Variants in MRPL18 observed in about 807,000 individuals in gnomAD.
MRPL18 encodes large ribosomal subunit protein uL18m.
In MRPL18, 16 loss-of-function variants were observed where a neutral mutation model predicts 20.9. The observed-to-expected ratio is 0.76, with a 90% CI of 0.52 to 1.16. The LOEUF is 1.16. Ranked by LOEUF, MRPL18 falls within the 50% of genes most tolerant of loss-of-function variation. The pLI, the probability that MRPL18 is intolerant of heterozygous loss-of-function variation, is 0.00. For missense variants in MRPL18, 233 were observed against 230.6 expected, an observed-to-expected ratio of 1.01 and a Z score of -0.07; for synonymous variants, 91 against 87.1, an observed-to-expected ratio of 1.04 and a Z score of -0.25.
chr6:159,797,030 A>G (rs1046912475), intron 2 of MRPL18, among the ~76,000 whole-genome samples: 1 of 152,122 alleles, frequency 6.6e-6, no homozygotes, highest in African/African-American at 2.4e-5. Flanking sequence ...TTTGAAGTAG[A>G]TCTGTAAATA....
At chr6:159,795,365 A>G (rs930034475) in intron 2 of MRPL18, among the ~76,000 whole-genome samples, 3 of 152,234 alleles carry the variant, frequency 2.0e-5, no homozygotes, top group Admixed American at 1.3e-4. Context: ...AACCTTGGAC[A>G]ATACCTGGCT....
At chr6:159,790,301 A>C (rs1052795940), upstream of MRPL18, among the ~76,000 whole-genome samples, 1 of 152,084 alleles carries the variant, frequency 6.6e-6, no homozygotes, top group Non-Finnish European at 1.5e-5. Flanking sequence ...CCCCGGACTT[A>C]AGCAACAAGC....
At position 159,790,622 on chromosome 6, in the gene MRPL18, C is replaced by A. The variant is rs762288486; in HGVS notation, c.35C>A (p.Ser12Ter). Residue 12 changes from serine to a stop codon, truncating the protein, a stop_gained, in exon 1 of 4, where the codon TCG (serine) becomes TAG (stop). Coordinates refer to ENST00000367034, the MANE Select transcript of MRPL18 (RefSeq NM_014161.5). LOFTEE classifies it high-confidence loss of function. ...CGGTCGCGGTTTTGGGGGTTGTTCT[C>A]GGTTTGCAGGAACCCTGGTAATTAG... ...ALRSRFWGLF[S>*]VCRNPGCRFA... The A allele has an allele frequency of 6.2e-7, 1 of 1,613,740 alleles. No individual in the cohort carries two copies. Among genetic ancestry groups the A allele is most frequent in the East Asian group, 2.2e-5 (1 of 44,868 alleles).
At chr6:159,790,339 T>G, upstream of MRPL18, 2 of 607,740 alleles carry the variant, frequency 3.3e-6, no homozygotes, top group Middle Eastern at 4.6e-4. Flanking sequence ...TACGAGGTGG[T>G]TGGTGGGCTC....
At position 159,798,215 on chromosome 6, in the gene MRPL18, G is replaced by C. The variant is rs1583158517; in HGVS notation, c.*92G>C. ...AGCATCTGGAAGAACAGCCAGCTTG[G>C]AAGTTTTACAGCAATAATGTTGCAG... On this transcript the variant is annotated 3_prime_UTR_variant, in exon 4 of 4. Coordinates refer to ENST00000367034, the MANE Select transcript of MRPL18 (RefSeq NM_014161.5). 2 of 1,024,640 alleles carry C rather than the reference G, an allele frequency of 2.0e-6. No individual in the cohort carries two copies. The highest frequency in any genetic ancestry group is 5.2e-5 in the East Asian group (2 of 38,750). 63.5% of individuals were successfully genotyped at this position (1,024,640 alleles called of 1,614,324 possible). A position where few individuals can be genotyped will look rare whatever the true frequency, so the allele number is the denominator to read the frequency against.
At position 159,797,392 on chromosome 6, in the gene MRPL18, C is replaced by T; in HGVS notation, c.345C>T (p.His115=). Residue 115 remains histidine (H), a synonymous_variant, in exon 3 of 4, where the codon CAC becomes CAT. Transcript: ENST00000367034. ...ASTREWAIKK[H]LYSTRNVVAC... is the part of the protein sequence containing the mutation. ...CTCGTGAGTGGGCTATTAAAAAGCA[C>T]CTTTATAGTACCAGAAATGTGGTGG... 6.2e-7 allele frequency: 1 copy of T among 1,614,066 alleles called. No individual in the cohort carries two copies. Among genetic ancestry groups the T allele is most frequent in the Non-Finnish European group, 8.5e-7 (1 of 1,180,016 alleles).
In MRPL18 at chr6:159,797,975, T is replaced by A. The variant is rs1021481211; in HGVS notation, c.472-77T>A. ...AACAAATCAATTTATTTCTGTCTTT[T>A]GGAAGGTGAAAGTATTTTCAGCCTA... On this transcript the variant is annotated intron_variant, in intron 3 of 3. Coordinates refer to ENST00000367034, the MANE Select transcript of MRPL18 (RefSeq NM_014161.5). 5.8e-6 allele frequency: 7 copies of A among 1,204,774 alleles called. No individual in the cohort carries two copies. The African/African-American group carries it at 9.2e-5, about 16-fold the overall frequency. The allele number at this position is 1,204,774 out of a possible 1,614,324, so 74.6% of individuals were successfully genotyped here.
rs1781055084 is a variant in MRPL18, at chr6:159,797,426, A to T, written c.379A>T (p.Ser127Cys). Reference protein sequence around the residue: ...YSTRNVVACESIGRVLAQRCL... With the variant: ...YSTRNVVACECIGRVLAQRCL... ...TACCAGAAATGTGGTGGCTTGTGAGAGTATAGGACGAGTGCTGGCACAGAG... is the reference window on the plus strand; with the variant it reads ...TACCAGAAATGTGGTGGCTTGTGAGTGTATAGGACGAGTGCTGGCACAGAG... The change falls in exon 3 of 4, where the codon AGT becomes TGT. Residue 127 changes from serine to cysteine, a missense_variant. Physicochemically the swap from Ser to Cys is moderately radical, Grantham distance 112. Coordinates refer to ENST00000367034, the MANE Select transcript of MRPL18 (RefSeq NM_014161.5). 3 of 1,614,062 alleles carry T rather than the reference A, an allele frequency of 1.9e-6. No homozygotes were observed. Among genetic ancestry groups the T allele is most frequent in the Non-Finnish European group, 2.5e-6 (3 of 1,180,046 alleles).
intron 2 of MRPL18, among the ~76,000 whole-genome samples, chr6:159,794,416 T>C (rs2115009114): frequency 6.6e-6 from 1 of 152,324 alleles, no homozygotes; most frequent in East Asian, 1.9e-4. Flanking sequence ...GAAAAAATAA[T>C]AGAATTGAGA....
chr6:159,793,801 A>G (rs1780966755), intron 2 of MRPL18, among the ~76,000 whole-genome samples: 1 of 152,126 alleles, frequency 6.6e-6, no homozygotes, highest in Non-Finnish European at 1.5e-5. Flanking sequence ...AGTCCCAGCT[A>G]CTAGGGAGGC....
intron 2 of MRPL18, among the ~76,000 whole-genome samples, chr6:159,791,987 A>G (rs1184500140): frequency 2.6e-5 from 4 of 152,228 alleles, no homozygotes; most frequent in Non-Finnish European, 5.9e-5. Context: ...GACTTGAGAT[A>G]CTTTGTTATA....
chr6:159,794,296 C>G (rs911807050), intron 2 of MRPL18, among the ~76,000 whole-genome samples: 5 of 152,174 alleles, frequency 3.3e-5, no homozygotes, highest in Non-Finnish European at 7.3e-5. Context: ...AGCATTGACT[C>G]TGGAGCCAGA....
chr6:159,790,559 G>A lies in MRPL18; in HGVS notation c.-29G>A, dbSNP rs1245732265. On this transcript the variant is annotated 5_prime_UTR_variant, in exon 1 of 4. Transcript: ENST00000367034. ...ACTGAGTCGTCCGTGAGGAAAAAGA[G>A]GCGAGGCTTTTCCGAGATCGTCTCA... is the stretch of plus-strand genomic sequence containing the variant. The A allele has an allele frequency of 6.2e-7, 1 of 1,614,100 alleles. No homozygotes were observed. The highest frequency in any genetic ancestry group is 2.2e-5 in the East Asian group (1 of 44,874).
chr6:159,792,758 C>T, intron 2 of MRPL18, among the ~76,000 whole-genome samples: 1 of 152,204 alleles, frequency 6.6e-6, no homozygotes, highest in East Asian at 1.9e-4. Context: ...CCACCTCAGC[C>T]TCCTGAGTGG....
chr6:159,795,036 G>C (rs1780995152), intron 2 of MRPL18, among the ~76,000 whole-genome samples: 1 of 152,224 alleles, frequency 6.6e-6, no homozygotes, highest in South Asian at 2.1e-4. Flanking sequence ...ATCAAGTGCT[G>C]TGCTTTTAGA....
intron 1 of MRPL18, 62 bp downstream of exon 1, chr6:159,790,701 C>T: frequency 6.3e-7 from 1 of 1,580,240 alleles, no homozygotes; most frequent in Non-Finnish European, 8.7e-7. Context: ...TACATTGGAA[C>T]GTGCGGGTTC....
In MRPL18 at chr6:159,798,183, A is replaced by G; in HGVS notation, c.*60A>G. 7.3e-7 allele frequency: 1 copy of G among 1,376,824 alleles called. No homozygotes were observed. Among genetic ancestry groups the G allele is most frequent in the Non-Finnish European group, 1.0e-6 (1 of 979,984 alleles). 85.3% of individuals were successfully genotyped at this position (1,376,824 alleles called of 1,614,324 possible). A position where few individuals can be genotyped will look rare whatever the true frequency, so the allele number is the denominator to read the frequency against. On this transcript the variant is annotated 3_prime_UTR_variant, in exon 4 of 4. Coordinates refer to ENST00000367034, the MANE Select transcript of MRPL18 (RefSeq NM_014161.5). ...AAATCTGTCAGCCACTACAGCCATC[A>G]AAAGAGAGCATCTGGAAGAACAGCC...
chr6:159,793,630 C>T (rs974601186), intron 2 of MRPL18, among the ~76,000 whole-genome samples: 2 of 152,118 alleles, frequency 1.3e-5, no homozygotes, highest in African/African-American at 4.8e-5. Flanking sequence ...TGATTTTTGG[C>T]CGGGCGCGGT....
Position 159,792,545 on chromosome 6 carries a change from G to A in MRPL18, c.239+1419G>A, listed in dbSNP as rs1780927509. 2.0e-5 allele frequency among the ~76,000 whole-genome samples: 3 copies of A among 152,304 alleles called. No homozygotes were observed. In the South Asian group the frequency reaches 6.2e-4, roughly 32 times the overall value. ...CTGTAATACATTTTTACTCATAGAG[G>A]AGGGAGTCCAAGAAAGGGAGTAGGC... On this transcript the variant is annotated intron_variant, in intron 2 of 3. Transcript: ENST00000367034.
Sources: gnomAD v4.1 joint callset for allele counts (sites outside exome capture counted in the v4.1 genomes callset) on GRCh38, gnomAD v4.1.1 for gene constraint, MANE v1.5 for transcripts, NCBI Gene and HGNC (gene_info 2026-07-23, HGNC 2026-07-21) for gene names.